Variants in NHS observed in about 807,000 individuals in gnomAD.
NHS encodes the protein NHS actin remodeling regulator.
Under a neutral mutation model 72.5 loss-of-function variants are expected in NHS, and 5 were observed. The observed-to-expected ratio is 0.07, with a 90% confidence interval of 0.04 to 0.14. The LOEUF is 0.14. Ranked by LOEUF, NHS falls within the 10% of genes least tolerant of loss-of-function variation. The probability of loss-of-function intolerance (pLI) is 1.00; values close to 1 mark genes in which losing one functional copy is unlikely to be tolerated. For synonymous variants in NHS, 464 were observed against 547.7 expected (o/e 0.85, Z 2.13); for missense variants, 1,072 against 1,355.7 (o/e 0.79, Z 3.29).
At chrX:17,518,357 C>T (rs748991325) in intron 1 of NHS, among the ~76,000 whole-genome samples, 6 of 111,923 alleles carry the variant, frequency 5.4e-5, no homozygotes, top group Admixed American at 3.8e-4. Flanking sequence ...CAATCTACTA[C>T]GGTAGCAAAA....
intron 1 of NHS, among the ~76,000 whole-genome samples, chrX:17,405,777 GC>G (rs1409483748): frequency 1.8e-5 from 2 of 112,213 alleles, no homozygotes; most frequent in Admixed American, 1.9e-4. Context: ...TGTGTGACAT[GC>G]TGGTGCATGC....
In NHS at chrX:17,378,905, C is replaced by A. The variant is rs1404705263; in HGVS notation, c.565+2583C>A. 2.7e-5 allele frequency among the ~76,000 whole-genome samples: 3 copies of A among 111,713 alleles called. No homozygotes were observed. The Admixed American group carries it at 2.8e-4, about 11-fold the overall frequency. On this transcript the variant is annotated intron_variant, in intron 1 of 8. Coordinates refer to ENST00000676302, the MANE Select transcript of NHS (RefSeq NM_001291867.2). The stretch of plus-strand genomic sequence containing the variant: ...GGCCAGGTAGAGAGATGCAAAAAGC[C>A]TATGATGTGCACAGGAATGTTGACA...
chrX:17,693,523 C>T lies in NHS; in HGVS notation c.852+1055C>T, dbSNP rs971180035. Among the ~76,000 whole-genome samples the T allele has an allele frequency of 9.8e-5, 11 of 112,421 alleles. No individual in the cohort carries two copies. The South Asian group carries it at 1.1e-3, about 11-fold the overall frequency. On this transcript the variant is annotated intron_variant, in intron 3 of 8. Transcript: ENST00000676302. ...TATGACTCTAAATTGTGCACTCTTA[C>T]GGCTTTTACAATATGCAAGAGAGAT...
rs183858394 is a variant in NHS, at chrX:17,715,903, C to T, written c.853-3441C>T. ...CATTTTAATATTATAAACTTAAATA[C>T]TCTGAATCTGCAGACCATCTGCAGG... On this transcript the variant is annotated intron_variant, in intron 3 of 8. Coordinates refer to ENST00000676302, the MANE Select transcript of NHS (RefSeq NM_001291867.2). 3.6e-5 allele frequency among the ~76,000 whole-genome samples: 4 copies of T among 111,554 alleles called. No homozygotes were observed. In the East Asian group the frequency reaches 1.1e-3, roughly 31 times the overall value.
intron 1 of NHS, among the ~76,000 whole-genome samples, chrX:17,521,569 C>T (rs1173044718): frequency 9.0e-6 from 1 of 110,773 alleles, no homozygotes; most frequent in African/African-American, 3.3e-5. Context: ...TACTGTCTTA[C>T]CCAGGCTGGT....
At chrX:17,497,625 C>T (rs756046338) in intron 1 of NHS, among the ~76,000 whole-genome samples, 81 of 111,616 alleles carry the variant, frequency 7.3e-4, no homozygotes, top group South Asian at 3.7e-4. Context: ...TTCCTCACCT[C>T]GATATGTTTT....
In NHS at chrX:17,476,347, G is replaced by A. The variant is rs187410519; in HGVS notation, c.565+100025G>A. 8.9e-3 allele frequency among the ~76,000 whole-genome samples: 996 copies of A among 111,646 alleles called. 12 individuals are homozygous for A. Among genetic ancestry groups the A allele is most frequent in the African/African-American group, 0.031 (940 of 30,751 alleles). On this transcript the variant is annotated intron_variant, in intron 1 of 8. Coordinates refer to ENST00000676302, the MANE Select transcript of NHS (RefSeq NM_001291867.2). ...TGGAAAGTAGTAAATGGTGAGGACAGTCATGTAACTTATAATTTAACATTC... is the reference window on the plus strand; with the variant it reads ...TGGAAAGTAGTAAATGGTGAGGACAATCATGTAACTTATAATTTAACATTC...
chrX:17,547,225 A>T (rs1311699296), intron 1 of NHS, among the ~76,000 whole-genome samples: 3 of 112,457 alleles, frequency 2.7e-5, no homozygotes, highest in Non-Finnish European at 5.6e-5. Context: ...ACATTAATTG[A>T]GCACCTGCTG....
At position 17,386,331 on chromosome X, in the gene NHS, G is replaced by A. The variant is rs180822941; in HGVS notation, c.565+10009G>A. Among the ~76,000 whole-genome samples, 195 of 111,136 alleles carry A rather than the reference G, an allele frequency of 1.8e-3. 1 individual carries two copies. The highest frequency in any genetic ancestry group is 6.0e-3 in the African/African-American group (183 of 30,514). ...CCCACTCTGGTTGTCCTCTACCACA[G>A]GTGCAGGGCACAAATGGACCCATTC... is the stretch of plus-strand genomic sequence containing the variant. On this transcript the variant is annotated intron_variant, in intron 1 of 8. Coordinates refer to ENST00000676302, the MANE Select transcript of NHS (RefSeq NM_001291867.2).
chrX:17,643,383 T>C (rs1355058718), intron 1 of NHS, among the ~76,000 whole-genome samples: 3 of 111,466 alleles, frequency 2.7e-5, no homozygotes, highest in Non-Finnish European at 5.6e-5. Context: ...TTTTAGGTTA[T>C]CATACAGTGC....
At chrX:17,570,114 C>T in intron 1 of NHS, among the ~76,000 whole-genome samples, 1 of 111,984 alleles carries the variant, frequency 8.9e-6, no homozygotes, top group Non-Finnish European at 1.9e-5. Context: ...ATGCCTCCAG[C>T]TTTGTTCTTC....
At chrX:17,504,206 C>T (rs2065046978) in intron 1 of NHS, among the ~76,000 whole-genome samples, 1 of 112,277 alleles carries the variant, frequency 8.9e-6, no homozygotes, top group Non-Finnish European at 1.9e-5. Context: ...CTGGCTGACA[C>T]ATTTTTATAA....
intron 1 of NHS, among the ~76,000 whole-genome samples, chrX:17,426,557 A>G (rs1309280001): frequency 1.8e-5 from 2 of 112,138 alleles, no homozygotes; most frequent in African/African-American, 6.5e-5. Context: ...AGTAATTTAG[A>G]TCATTAAATA....
intron 1 of NHS, among the ~76,000 whole-genome samples, chrX:17,462,096 G>A (rs1278476484): frequency 2.7e-5 from 3 of 111,493 alleles, no homozygotes; most frequent in Non-Finnish European, 5.6e-5. Context: ...TTGCAAGGAT[G>A]TTAATGCAGA....
intron 1 of NHS, among the ~76,000 whole-genome samples, chrX:17,558,563 T>C (rs2065394238): frequency 8.9e-6 from 1 of 112,377 alleles, no homozygotes; most frequent in South Asian, 3.7e-4. Flanking sequence ...GCTCCACCTG[T>C]TACCAGCTGT....
At chrX:17,557,434 C>T (rs998766674) in intron 1 of NHS, 1 of 108,922 alleles carries the variant, frequency 9.2e-6, no homozygotes, top group African/African-American at 3.4e-5. Context: ...AAGGAAGGGG[C>T]TTTAAGTATC....
At chrX:17,705,227 G>A in intron 3 of NHS, 1 of 111,986 alleles carries the variant, frequency 8.9e-6, no homozygotes, top group East Asian at 2.8e-4. Context: ...TTGGGAGACG[G>A]GGCATGATGG....
Position 17,402,905 on chromosome X carries a change from G to A in NHS, c.565+26583G>A, listed in dbSNP as rs192663361. Among the ~76,000 whole-genome samples, 153 of 111,791 alleles carry A rather than the reference G, an allele frequency of 1.4e-3. 1 individual carries two copies. Among genetic ancestry groups the A allele is most frequent in the African/African-American group, 4.6e-3 (142 of 30,787 alleles). ...ATTCCCATTCAAAAGAATAAGAGAGGGAGCTGTTTTAGTCATATTAGGCTA... is the reference window on the plus strand; with the variant it reads ...ATTCCCATTCAAAAGAATAAGAGAGAGAGCTGTTTTAGTCATATTAGGCTA... On this transcript the variant is annotated intron_variant, in intron 1 of 8. Coordinates refer to ENST00000676302, the MANE Select transcript of NHS (RefSeq NM_001291867.2).
intron 1 of NHS, among the ~76,000 whole-genome samples, chrX:17,519,039 A>G (rs1275544053): frequency 2.7e-5 from 3 of 111,871 alleles, no homozygotes; most frequent in African/African-American, 9.7e-5. Context: ...TGAATAAAGC[A>G]CTAAGTGTTG....
Sources: allele counts gnomAD v4.1 joint callset (sites outside exome capture counted in the v4.1 genomes callset), GRCh38; gene constraint gnomAD v4.1.1; transcripts MANE v1.5; gene names NCBI Gene and HGNC (gene_info 2026-07-23, HGNC 2026-07-21).